LIPA: variants seen among roughly 807,000 people sequenced by gnomAD.
The protein encoded by LIPA is lysosomal acid lipase/cholesteryl ester hydrolase.
A neutral mutation model predicts 40.6 loss-of-function variants in LIPA; 26 were observed. The ratio of observed to expected loss-of-function variants is 0.64; its 90% CI spans 0.47 to 0.89. The LOEUF (loss-of-function observed/expected upper bound fraction) is 0.89. Ranked by LOEUF, LIPA falls within the 40% of genes least tolerant of loss-of-function variation. LIPA has a pLI of 0.00. For synonymous variants in LIPA, 188 were observed against 168.4 expected (o/e 1.12, Z -0.90); for missense variants, 455 against 479.6 (o/e 0.95, Z 0.48).
intron 1 of LIPA, among the ~76,000 whole-genome samples, chr10:89,334,289 C>T (rs903668024): frequency 7.2e-5 from 11 of 151,962 alleles, no homozygotes; most frequent in African/African-American, 2.4e-4. Flanking sequence ...GCAGCACTAG[C>T]TTTAACTGCT....
rs376016241 is a variant in LIPA at position 89,225,081 on chromosome 10, G to T, written c.675+11C>A. The T allele has an allele frequency of 1.2e-5, 19 of 1,613,618 alleles. No homozygotes were observed. In the East Asian group the frequency reaches 2.9e-4, roughly 25 times the overall value. ...GCGGGGAGAGGAGAGGGATGGGAGG[G>T]GTCCAAGTACCTTAATGAGATGATC... On this transcript the variant is annotated intron_variant, in intron 6 of 9. Coordinates refer to ENST00000336233, the MANE Select transcript of LIPA (RefSeq NM_000235.4).
At chr10:89,338,635 A>G in intron 1 of LIPA, 6 of 1,593,560 alleles carry the variant, frequency 3.8e-6, no homozygotes, top group Non-Finnish European at 5.1e-6. Flanking sequence ...TGTACATCAC[A>G]GTGACCATGT....
At chr10:89,402,253 C>G in intron 2 of LIPA, 1 of 1,478,000 alleles carries the variant, frequency 6.8e-7, no homozygotes. Flanking sequence ...CCTCACCTAA[C>G]AAAGAAAATC....
At position 89,225,188 on chromosome 10, in the gene LIPA, C is replaced by T. The variant is rs777978533; in HGVS notation, c.579G>A (p.Arg193=). The T allele has an allele frequency of 8.1e-6, 13 of 1,614,078 alleles. No homozygotes were observed. The East Asian group carries it at 2.5e-4, about 30-fold the overall frequency. ...GACCCAGGGCAAAAAACATTTTAAT[C>T]CTTTTAGCCAGCTCAGGGATCTGTG... The part of the protein sequence containing the change: ...AFSQIPELAK[R]IKMFFALGPV... The change falls in exon 6 of 10, where the codon AGG becomes AGA. Residue 193 remains arginine, a synonymous_variant. Transcript: ENST00000336233.
chr10:89,337,843 A>C (rs1843769388), intron 1 of LIPA, among the ~76,000 whole-genome samples: 1 of 152,234 alleles, frequency 6.6e-6, no homozygotes, highest in Admixed American at 6.5e-5. Flanking sequence ...ACTGTAGCTA[A>C]AGAAAAGTGA....
chr10:89,242,779 A>G (rs1479756286), intron 3 of LIPA, among the ~76,000 whole-genome samples: 5 of 152,242 alleles, frequency 3.3e-5, no homozygotes, highest in African/African-American at 1.2e-4. Flanking sequence ...AAACTATATA[A>G]GCAAACTGAA....
intron 3 of LIPA, among the ~76,000 whole-genome samples, chr10:89,241,607 C>T (rs993523293): frequency 2.4e-4 from 36 of 152,262 alleles, no homozygotes; most frequent in African/African-American, 6.5e-4. Flanking sequence ...TCACAAGCCA[C>T]GCTGTGAATT....
chr10:89,248,651 A>G (rs1297530436), intron 1 of LIPA, among the ~76,000 whole-genome samples: 2 of 137,818 alleles, frequency 1.5e-5, no homozygotes, highest in Non-Finnish European at 1.6e-5. Context: ...ATTTTTTTGT[A>G]TTTTTTTTTT....
intron 1 of LIPA, among the ~76,000 whole-genome samples, chr10:89,323,627 C>T (rs1843582847): frequency 6.6e-6 from 1 of 152,122 alleles, no homozygotes. Flanking sequence ...GAGTAGCATT[C>T]CTATACACTA....
At chr10:89,383,442 T>C (rs1844177874) in intron 2 of LIPA, 1 of 1,614,058 alleles carries the variant, frequency 6.2e-7, no homozygotes. Flanking sequence ...GGGAAGAGAT[T>C]CAGTTCCTGG....
At chr10:89,377,350 A>G (rs1057337298) in intron 2 of LIPA, among the ~76,000 whole-genome samples, 2 of 152,230 alleles carry the variant, frequency 1.3e-5, no homozygotes, top group Admixed American at 6.5e-5. Flanking sequence ...CTCTGACTAC[A>G]TTGCATATGT....
intron 2 of LIPA, chr10:89,363,483 T>G (rs1250984678): frequency 6.6e-6 from 1 of 152,130 alleles, no homozygotes; most frequent in Non-Finnish European, 1.5e-5. Flanking sequence ...TTGACTAATA[T>G]TAAAAAGAGC....
intron 1 of LIPA, chr10:89,414,310 C>A (rs1216274839): frequency 6.5e-6 from 1 of 154,294 alleles, no homozygotes; most frequent in Admixed American, 6.5e-5. Context: ...CGGGCGCATC[C>A]CTTGAGATCA....
At chr10:89,322,511 G>A (rs76718119) in intron 1 of LIPA, among the ~76,000 whole-genome samples, 2,945 of 152,140 alleles carry the variant, frequency 0.019, 40 homozygotes, top group African/African-American at 0.037. Context: ...TCACACTCTC[G>A]ACAGGGACCT....
At chr10:89,374,305 A>G (rs1263658898) in intron 2 of LIPA, among the ~76,000 whole-genome samples, 1 of 151,816 alleles carries the variant, frequency 6.6e-6, no homozygotes, top group Non-Finnish European at 1.5e-5. Flanking sequence ...TCTAGTTTCC[A>G]TTGTTTTTTT....
intron 8 of LIPA, among the ~76,000 whole-genome samples, chr10:89,219,837 C>T (rs963696632): frequency 1.3e-5 from 2 of 152,350 alleles, no homozygotes; most frequent in East Asian, 1.9e-4. Flanking sequence ...GATGGTACAG[C>T]GGGTAGAAGA....
chr10:89,400,987 G>T (rs372258270), intron 2 of LIPA, among the ~76,000 whole-genome samples: 1 of 150,696 alleles, frequency 6.6e-6, no homozygotes, highest in East Asian at 1.9e-4. Context: ...GTTGAATTTT[G>T]TCAAATGCTT....
intron 2 of LIPA, among the ~76,000 whole-genome samples, chr10:89,366,547 T>A (rs1844058449): frequency 6.6e-6 from 1 of 152,146 alleles, no homozygotes; most frequent in Non-Finnish European, 1.5e-5. Context: ...AAGAAGACAT[T>A]TATGCAGCCA....
At chr10:89,322,640 C>G (rs1843578040) in intron 1 of LIPA, among the ~76,000 whole-genome samples, 1 of 148,506 alleles carries the variant, frequency 6.7e-6, no homozygotes, top group South Asian at 2.2e-4. Flanking sequence ...ACTCTCTAGT[C>G]CAAGGAGACT....
Sources: allele counts gnomAD v4.1 joint callset (sites outside exome capture counted in the v4.1 genomes callset), GRCh38; gene constraint gnomAD v4.1.1; transcripts MANE v1.5; gene names NCBI Gene and HGNC (gene_info 2026-07-23, HGNC 2026-07-21).